Variants in MTMR4 observed in about 807,000 individuals in gnomAD.
MTMR4 encodes the protein phosphatidylinositol-3,5-bisphosphate 3-phosphatase MTMR4.
A neutral mutation model predicts 125.5 loss-of-function variants in MTMR4; 30 were observed. That is an observed-to-expected ratio of 0.24 (90% CI 0.18 to 0.32). The LOEUF is 0.32. Among genes scored for constraint, MTMR4 ranks in the 10% least tolerant of loss-of-function variants. The pLI, the probability that MTMR4 is intolerant of heterozygous loss-of-function variation, is 1.00. For synonymous variants in MTMR4, 498 were observed against 564.5 expected, an observed-to-expected ratio of 0.88 and a Z score of 1.67; for missense variants, 1,039 against 1,511.5, an observed-to-expected ratio of 0.69 and a Z score of 5.18.
At position 58,494,989 on chromosome 17, in the gene MTMR4, G is replaced by A. The variant is rs2143844138; in HGVS notation, c.3195C>T (p.Asp1065=). Residue 1065 remains aspartate, a synonymous_variant, in exon 15 of 18, where the codon GAC becomes GAT. Transcript: ENST00000682306. Reference sequence around the variant, plus strand: ...CTGGAGGGGCACAGCAGTGACGGATGTCCAGCCTCATCTGAAGCTCACGCA... The same window carrying A: ...CTGGAGGGGCACAGCAGTGACGGATATCCAGCCTCATCTGAAGCTCACGCA... ...RQVRELQMRL[D]IRHCCAPPAE... The A allele has an allele frequency of 6.2e-7, 1 of 1,614,210 alleles. No individual in the cohort carries two copies. Among genetic ancestry groups the A allele is most frequent in the Non-Finnish European group, 8.5e-7 (1 of 1,180,032 alleles).
rs905655954 is a variant in MTMR4, at chr17:58,504,654, A to C, written c.1341+125T>G. The C allele has an allele frequency of 5.8e-6, 8 of 1,380,474 alleles. No homozygotes were observed. The African/African-American group carries it at 1.0e-4, about 18-fold the overall frequency. The allele number at this position is 1,380,474 out of a possible 1,614,324, so 85.5% of individuals were successfully genotyped here. On this transcript the variant is annotated intron_variant, in intron 11 of 17. Coordinates refer to ENST00000682306, the MANE Select transcript of MTMR4 (RefSeq NM_001378067.1). The surrounding 1 kb of genome is among the most constrained non-coding windows in gnomAD (Gnocchi z 7.1). ...ATTTTCCAAGCCTTTGGGAGTTGGA[A>C]AAAAAAAGAAAAAAAGAGCCACCAA...
In MTMR4 at chr17:58,496,339, A is replaced by G. The variant is rs1274623281; in HGVS notation, c.1854-9T>C. ...ATCTGGTTTTAGGTAATCTGGAAAG[A>G]CAAATATAACACCTCCAGGTCAGGA... On this transcript the variant is annotated splice_polypyrimidine_tract_variant and intron_variant, in intron 14 of 17. Transcript: ENST00000682306. 6.3e-7 allele frequency: 1 copy of G among 1,589,978 alleles called. No homozygotes were observed.
chr17:58,496,774 G>A (rs1333880264), intron 14 of MTMR4, among the ~76,000 whole-genome samples: 3 of 152,204 alleles, frequency 2.0e-5, no homozygotes, highest in South Asian at 2.1e-4. Context: ...TGGCTCTGAC[G>A]CTAATTAGCT....
In MTMR4 at chr17:58,508,609, G is replaced by A. The variant is rs957905751; in HGVS notation, c.497-45C>T. ...ATGGTTAGCTTCCCAGAGCACCAAT[G>A]TGCAGGAGTGGAGGAGGGATGAGAA... On this transcript the variant is annotated intron_variant, in intron 5 of 17. Transcript: ENST00000682306. The surrounding 1 kb of genome is among the most constrained non-coding windows in gnomAD (Gnocchi z 4.8). The A allele has an allele frequency of 1.2e-6, 2 of 1,614,026 alleles. No homozygotes were observed. The highest frequency in any genetic ancestry group is 1.7e-6 in the Non-Finnish European group (2 of 1,179,982).
intron 7 of MTMR4, among the ~76,000 whole-genome samples, chr17:58,507,826 G>A (rs575568806): frequency 3.9e-5 from 6 of 151,920 alleles, no homozygotes; most frequent in South Asian, 4.2e-4. Context: ...CTTACAAGCC[G>A]TTTTATATAA....
rs533370299 is a variant in MTMR4 at position 58,507,056 on chromosome 17, C to G, written c.904+67G>C. 27 of 1,596,916 alleles carry G rather than the reference C, an allele frequency of 1.7e-5. No individual in the cohort carries two copies. In the African/African-American group the frequency reaches 3.2e-4, roughly 19 times the overall value. ...TCTTCCCAGACTCTCACTGGGGACT[C>G]CCTGGGAGCCAATGAAGCCAAGGAG... On this transcript the variant is annotated intron_variant, in intron 8 of 17. Coordinates refer to ENST00000682306, the MANE Select transcript of MTMR4 (RefSeq NM_001378067.1).
At chr17:58,511,539 A>C in intron 3 of MTMR4, 28 bp from the exon 4 acceptor site, 21 of 1,592,444 alleles carry the variant, frequency 1.3e-5, no homozygotes, top group Non-Finnish European at 1.8e-5. Flanking sequence ...ACTGAAGCTC[A>C]GACTCCCCAC....
chr17:58,493,045 C>G (rs1333942964), intron 15 of MTMR4, 93 bp from the exon 16 acceptor site: 1 of 897,018 alleles, frequency 1.1e-6, no homozygotes, highest in Non-Finnish European at 1.8e-6. Context: ...GCATTACACA[C>G]ATGAACTTAT....
upstream of MTMR4, chr17:58,515,055 A>C: frequency 1.0e-6 from 1 of 985,282 alleles, no homozygotes; most frequent in African/African-American, 1.7e-5. Context: ...TTCCCCTTAG[A>C]ATGGTGCCAG....
At chr17:58,507,823 G>A (rs1975816227) in intron 7 of MTMR4, among the ~76,000 whole-genome samples, 1 of 151,828 alleles carries the variant, frequency 6.6e-6, no homozygotes, top group African/African-American at 2.4e-5. Flanking sequence ...CAGCTTACAA[G>A]CCGTTTTATA....
In MTMR4 at chr17:58,504,212, C is replaced by G; in HGVS notation, c.1536G>C (p.Leu512=). 2 of 1,605,634 alleles carry G rather than the reference C, an allele frequency of 1.2e-6. No individual in the cohort carries two copies. The highest frequency in any genetic ancestry group is 1.7e-6 in the Non-Finnish European group (2 of 1,175,200). The change falls in exon 13 of 18, where the codon CTG becomes CTC. Residue 512 remains leucine (L), a synonymous_variant. Coordinates refer to ENST00000682306, the MANE Select transcript of MTMR4 (RefSeq NM_001378067.1). The surrounding 1 kb of genome is among the most constrained non-coding windows in gnomAD (Gnocchi z 7.1). ...FEFNEAFLVK[L]VQHTYSCLYG... is the part of the protein sequence containing the mutation. ...AGAGGCAGGAGTATGTGTGTTGCAC[C>G]AGTTTTACCTAGAAAGCAGAGAGAG...
rs775203610 is a variant in MTMR4, at chr17:58,507,197, G to A, written c.830C>T (p.Pro277Leu). The stretch of plus-strand genomic sequence containing the variant: ...GGAGCCCCCAGTGGCCCTTGTCCCC[G>A]GGTCCAGGGCACAGGCTTTAGCAAT... ...TSIAKACALD[P>L]GTRATGGSLS... The change falls in exon 8 of 18, where the codon CCG becomes CTG. Residue 277 changes from proline (P) to leucine (L), a missense_variant. Pro to Leu is a moderately conservative substitution (Grantham distance 98). Around this residue, in one of 6 missense-constraint regions of MTMR4, gnomAD observed 49 missense variants for 68.4 expected, o/e 0.72. Transcript: ENST00000682306. 92 of 1,614,008 alleles carry A rather than the reference G, an allele frequency of 5.7e-5. No homozygotes were observed. The Admixed American group carries it at 7.5e-4, about 13-fold the overall frequency.
chr17:58,497,400 T>A (rs201354388), intron 14 of MTMR4, among the ~76,000 whole-genome samples: 1 of 152,210 alleles, frequency 6.6e-6, no homozygotes, highest in Non-Finnish European at 1.5e-5. Context: ...TGGAGTCCCA[T>A]AGGCAGGGTT....
upstream of MTMR4, among the ~76,000 whole-genome samples, chr17:58,515,823 C>A (rs1028076152): frequency 6.6e-6 from 1 of 152,194 alleles, no homozygotes; most frequent in Non-Finnish European, 1.5e-5. Flanking sequence ...CTACTGAATT[C>A]TTTAACCTGC....
intron 9 of MTMR4, among the ~76,000 whole-genome samples, chr17:58,506,510 T>A (rs1479610235): frequency 6.6e-6 from 1 of 152,180 alleles, no homozygotes; most frequent in Non-Finnish European, 1.5e-5. Flanking sequence ...CTTCTAATCA[T>A]CCCAACAATT....
chr17:58,493,291 T>C (rs1342541955), intron 15 of MTMR4, among the ~76,000 whole-genome samples: 2 of 152,284 alleles, frequency 1.3e-5, no homozygotes, highest in African/African-American at 4.8e-5. Context: ...ACTGCCTGTT[T>C]TTGTAAATCA....
At chr17:58,518,837 T>G (rs1372914400), upstream of MTMR4, among the ~76,000 whole-genome samples, 2 of 152,272 alleles carry the variant, frequency 1.3e-5, no homozygotes, top group Admixed American at 6.5e-5. Flanking sequence ...TCAGCTGATA[T>G]TCTCAGGTCT....
At chr17:58,498,537 AG>A (rs1376013221) in intron 14 of MTMR4, among the ~76,000 whole-genome samples, 3 of 29,908 alleles carry the variant, frequency 1.0e-4, no homozygotes, top group African/African-American at 1.4e-4. Flanking sequence ...GCGGGGGAGG[AG>A]GGGGGAGGAG....
Position 58,496,044 on chromosome 17 carries a change from G to A in MTMR4, c.2140C>T (p.Pro714Ser), listed in dbSNP as rs766762912. Residue 714 changes from proline to serine, a missense_variant, in exon 15 of 18, where the codon CCA becomes TCA. Pro to Ser is a moderately conservative substitution (Grantham distance 74). Coordinates refer to ENST00000682306, the MANE Select transcript of MTMR4 (RefSeq NM_001378067.1). The stretch of plus-strand genomic sequence containing the variant: ...GCGGTATTAAGCAGTTTGTAACTTG[G>A]AGAACAGCTTTTGTGACTCTTGAAA... ...KPFKSHKSCS[P>S]SYKLLNTAVP... 1 of 1,614,154 alleles carries A rather than the reference G, an allele frequency of 6.2e-7. No homozygotes were observed. The highest frequency in any genetic ancestry group is 8.5e-7 in the Non-Finnish European group (1 of 1,180,026).
Sources: gnomAD v4.1 joint callset for allele counts (sites outside exome capture counted in the v4.1 genomes callset) on GRCh38, gnomAD v4.1.1 for gene constraint, gnomAD v4.1.1 regional missense constraint, Gnocchi (gnomAD v3.1) non-coding constraint, MANE v1.5 for transcripts, NCBI Gene and HGNC (gene_info 2026-07-23, HGNC 2026-07-21) for gene names.